The following GAN variants were observed in gnomAD, a reference collection of about 807,000 sequenced individuals.
GAN encodes gigaxonin.
A neutral mutation model predicts 71.3 loss-of-function variants in GAN; 48 were observed. The observed-to-expected ratio is 0.67, with a 90% CI of 0.53 to 0.86. The LOEUF (loss-of-function observed/expected upper bound fraction) is 0.86. Among genes scored for constraint, GAN ranks in the 40% least tolerant of loss-of-function variants. The pLI, the probability that GAN is intolerant of heterozygous loss-of-function variation, is 0.00. For missense variants in GAN, 928 were observed against 770.1 expected, an observed-to-expected ratio of 1.21 and a Z score of -2.43; for synonymous variants, 386 against 276.8, an observed-to-expected ratio of 1.39 and a Z score of -3.92.
At chr16:81,365,312 A>C (rs1489296780) in intron 8 of GAN, 38 bp from the exon 9 acceptor site, 1 of 1,613,294 alleles carries the variant, frequency 6.2e-7, no homozygotes, top group Non-Finnish European at 8.5e-7. Context: ...CTCGCATTGT[A>C]CAGCTTGTGC....
intron 1 of GAN, among the ~76,000 whole-genome samples, chr16:81,324,472 CA>C (rs1023066063): frequency 2.0e-5 from 3 of 152,078 alleles, no homozygotes; most frequent in African/African-American, 4.8e-5. Flanking sequence ...GCACCAGGAT[CA>C]GGGGTGGCAC....
rs1368038147 is a variant in GAN, at chr16:81,356,953, C to G, written c.802C>G (p.Pro268Ala). 1.2e-6 allele frequency: 2 copies of G among 1,613,306 alleles called. No individual in the cohort carries two copies. The highest frequency in any genetic ancestry group is 2.7e-5 in the African/African-American group (2 of 74,886). Residue 268 changes from proline to alanine, a missense_variant, in exon 4 of 11, where the codon CCC becomes GCC. Transcript: ENST00000648994. ...GGAGGCGATGCTGGCCAACTTCAAACCCCGGGGCTACTCTGAGTGCATCGT... is the reference window on the plus strand; with the variant it reads ...GGAGGCGATGCTGGCCAACTTCAAAGCCCGGGGCTACTCTGAGTGCATCGT... ...QGEAMLANFKPRGYSECIVTV... is the reference protein window; with the variant it reads ...QGEAMLANFKARGYSECIVTV...
chr16:81,357,830 C>T lies in GAN; in HGVS notation c.872C>T (p.Ala291Val), dbSNP rs779945113. 8.7e-6 allele frequency: 14 copies of T among 1,612,862 alleles called. No individual in the cohort carries two copies. Among genetic ancestry groups the T allele is most frequent in the African/African-American group, 2.7e-5 (2 of 74,914 alleles). ...EERVSRKPTAAMRCMCPLYDP... is the reference protein window; with the variant it reads ...EERVSRKPTAVMRCMCPLYDP... Reference sequence around the variant, plus strand: ...CTTAGTTCACGGAAACCCACAGCAGCGATGCGATGCATGTGCCCTCTCTAT... The same window carrying T: ...CTTAGTTCACGGAAACCCACAGCAGTGATGCGATGCATGTGCCCTCTCTAT... The change falls in exon 5 of 11, where the codon GCG becomes GTG. Residue 291 changes from alanine (A) to valine (V), a missense_variant. Coordinates refer to ENST00000648994, the MANE Select transcript of GAN (RefSeq NM_022041.4).
intron 1 of GAN, among the ~76,000 whole-genome samples, chr16:81,329,264 C>T (rs1909491807): frequency 6.6e-6 from 1 of 151,940 alleles, no homozygotes; most frequent in Non-Finnish European, 1.5e-5. Context: ...AGGAGATGTG[C>T]ACATGTTGAA....
chr16:81,380,023 T>C lies in GAN; in HGVS notation c.*2427T>C, dbSNP rs1223816217. ...TATGGGATGCAATAACCAACAAAGC[T>C]GCTAAGTGCCAAACTGTTATTTTAC... On this transcript the variant is annotated 3_prime_UTR_variant, in exon 11 of 11. Transcript: ENST00000648994. 6.6e-6 allele frequency: 1 copy of C among 152,568 alleles called. No homozygotes were observed. The highest frequency in any genetic ancestry group is 1.5e-5 in the Non-Finnish European group (1 of 68,026). 9.5% of individuals were successfully genotyped at this position (152,568 alleles called of 1,614,324 possible).
At chr16:81,340,533 C>T (rs753185032) in intron 1 of GAN, among the ~76,000 whole-genome samples, 19 of 152,112 alleles carry the variant, frequency 1.2e-4, no homozygotes, top group Non-Finnish European at 1.9e-4. Context: ...CACAGACCTG[C>T]AGCTGAGGGG....
intron 1 of GAN, among the ~76,000 whole-genome samples, chr16:81,338,065 C>T (rs1326881049): frequency 1.3e-5 from 2 of 152,260 alleles, no homozygotes; most frequent in Non-Finnish European, 1.5e-5. Context: ...GTTTACAGAT[C>T]AGCAGACGGG....
rs778536402 is a variant in GAN, at chr16:81,377,494, C to T, written c.1692C>T (p.Asp564=). 7 of 1,614,004 alleles carry T rather than the reference C, an allele frequency of 4.3e-6. No homozygotes were observed. The Admixed American group carries it at 6.7e-5, about 15-fold the overall frequency. ...WHHTKPLLPS[D]LRRTGCAALR... is the part of the protein sequence containing the mutation. Reference sequence around the variant, plus strand: ...ACACTAAACCACTCCTTCCATCCGACCTTCGCCGTACAGGATGTGCAGCCT... The same window carrying T: ...ACACTAAACCACTCCTTCCATCCGATCTTCGCCGTACAGGATGTGCAGCCT... Residue 564 remains aspartate, a synonymous_variant, in exon 11 of 11, where the codon GAC becomes GAT. Transcript: ENST00000648994.
chr16:81,362,041 A>G (rs1369504362), intron 5 of GAN, among the ~76,000 whole-genome samples: 1 of 152,218 alleles, frequency 6.6e-6, no homozygotes, highest in Non-Finnish European at 1.5e-5. Flanking sequence ...CTAATACGCC[A>G]TTACATGAAA....
chr16:81,342,060 A>T (rs1282531625), intron 1 of GAN, among the ~76,000 whole-genome samples: 1 of 152,218 alleles, frequency 6.6e-6, no homozygotes, highest in Non-Finnish European at 1.5e-5. Flanking sequence ...TGGTAAAGGG[A>T]TCTATTCAAC....
chr16:81,329,466 G>C (rs1909500913), intron 1 of GAN, among the ~76,000 whole-genome samples: 1 of 152,164 alleles, frequency 6.6e-6, no homozygotes, highest in African/African-American at 2.4e-5. Context: ...TTGCAACCAG[G>C]CTTCTTGAAA....
At chr16:81,351,143 A>G (rs1216697495) in intron 1 of GAN, among the ~76,000 whole-genome samples, 3 of 152,274 alleles carry the variant, frequency 2.0e-5, no homozygotes, top group African/African-American at 7.2e-5. Flanking sequence ...TGGTGGAAGC[A>G]GAGGAATGGA....
At chr16:81,333,413 T>C (rs1490245920) in intron 1 of GAN, among the ~76,000 whole-genome samples, 1 of 152,152 alleles carries the variant, frequency 6.6e-6, no homozygotes, top group East Asian at 1.9e-4. Flanking sequence ...CATCCTTCTG[T>C]ATTTATTAGG....
chr16:81,339,892 C>T (rs1348749443), intron 1 of GAN, among the ~76,000 whole-genome samples: 4 of 152,076 alleles, frequency 2.6e-5, no homozygotes, highest in Non-Finnish European at 5.9e-5. Context: ...TGAATTTAAA[C>T]CGTAATTAAA....
Position 81,326,363 on chromosome 16 carries a change from CAAAAA to C in GAN, c.167+11099_167+11103del, listed in dbSNP as rs66769713. On this transcript the variant is annotated intron_variant, in intron 1 of 10. Coordinates refer to ENST00000648994, the MANE Select transcript of GAN (RefSeq NM_022041.4). ...AGAAACACCATCTCTACTAAAAATA[CAAAAA>C]AAAAAAAAAAAAAAATTAGCCAGAT... is the stretch of plus-strand genomic sequence containing the variant. Among the ~76,000 whole-genome samples, 738 of 138,658 alleles carry C rather than the reference CAAAAA, an allele frequency of 5.3e-3. 1 individual carries two copies. The highest frequency in any genetic ancestry group is 7.5e-3 in the African/African-American group (283 of 37,648). The allele number at this position is 138,658 out of a possible 152,430, so 91.0% of individuals were successfully genotyped here.
At chr16:81,374,419 G>A (rs1904275410) in intron 9 of GAN, among the ~76,000 whole-genome samples, 2 of 152,208 alleles carry the variant, frequency 1.3e-5, no homozygotes, top group African/African-American at 2.4e-5. Flanking sequence ...GCATCCACTG[G>A]TAGACCTAGC....
Position 81,357,886 on chromosome 16 carries a change from GC to G in GAN, c.932del (p.Pro311LeufsTer2), listed in dbSNP as rs1295878071. ...TAACAGGCAGCTTTGGATCGAACTG[GC>G]CCCTTTAAGCATGCCGAGAATTAAC... ...DPNRQLWIEL[A>X]PLSMPRINHG... is the part of the protein sequence containing the mutation. On this transcript the variant is annotated frameshift_variant, in exon 5 of 11. Coordinates refer to ENST00000648994, the MANE Select transcript of GAN (RefSeq NM_022041.4). LOFTEE classifies it high-confidence loss of function. 6.2e-7 allele frequency: 1 copy of G among 1,613,766 alleles called. No individual in the cohort carries two copies. Among genetic ancestry groups the G allele is most frequent in the Non-Finnish European group, 8.5e-7 (1 of 1,179,730 alleles).
chr16:81,376,462 CATATGTGTGTGTGTGTGT>C lies in GAN; in HGVS notation c.1503-756_1503-739del, dbSNP rs1194816062. ...TGGCAATATCCCATCTTTATACATACATATGTGTGTGTGTGTGTGTGTGTGTGTGTGTGTGTGTGTGTG... is the reference window on the plus strand; with the variant it reads ...TGGCAATATCCCATCTTTATACATACGTGTGTGTGTGTGTGTGTGTGTGTG... On this transcript the variant is annotated intron_variant, in intron 9 of 10. Coordinates refer to ENST00000648994, the MANE Select transcript of GAN (RefSeq NM_022041.4). Among the ~76,000 whole-genome samples, 4 of 93,836 alleles carry C rather than the reference CATATGTGTGTGTGTGTGT, an allele frequency of 4.3e-5. No homozygotes were observed. In the East Asian group the frequency reaches 1.2e-3, roughly 29 times the overall value. 61.6% of individuals were successfully genotyped at this position (93,836 alleles called of 152,430 possible).
chr16:81,362,449 G>T (rs766105766), intron 5 of GAN, 50 bp from the exon 6 acceptor site: 3 of 886,366 alleles, frequency 3.4e-6, no homozygotes. Context: ...TGGCGTTTAT[G>T]GGTGTTGAAG....
Sources: allele counts gnomAD v4.1 joint callset (sites outside exome capture counted in the v4.1 genomes callset), GRCh38; gene constraint gnomAD v4.1.1; transcripts MANE v1.5; gene names NCBI Gene and HGNC (gene_info 2026-07-23, HGNC 2026-07-21).